CAND1: variants seen among roughly 807,000 people sequenced by gnomAD.
The protein encoded by CAND1 is cullin-associated NEDD8-dissociated protein 1.
Under a neutral mutation model 108.5 loss-of-function variants are expected in CAND1, and 7 were observed. The ratio of observed to expected loss-of-function variants is 0.06; its 90% CI spans 0.04 to 0.12. The LOEUF is 0.12. Ranked by LOEUF, CAND1 falls within the 10% of genes least tolerant of loss-of-function variation. The pLI is 1.00. For synonymous variants in CAND1, 534 were observed against 512.0 expected, an observed-to-expected ratio of 1.04 and a Z score of -0.58; for missense variants, 941 against 1,448.7, an observed-to-expected ratio of 0.65 and a Z score of 5.69.
At position 67,318,695 on chromosome 12, in the gene CAND1, A is replaced by C. The variant is rs573798900; in HGVS notation, c.*5865A>C. ...GTTCATTCATTTAGCAAGCCAATTT[A>C]TTACGCGCTTAGGGTGCTGCCAGGG... On this transcript the variant is annotated 3_prime_UTR_variant, in exon 15 of 15. Transcript: ENST00000545606. 2 of 152,288 alleles carry C rather than the reference A, an allele frequency of 1.3e-5. No individual in the cohort carries two copies. Among genetic ancestry groups the C allele is most frequent in the African/African-American group, 4.8e-5 (2 of 41,570 alleles). 9.4% of individuals were successfully genotyped at this position (152,288 alleles called of 1,614,324 possible). A position where few individuals can be genotyped will look rare whatever the true frequency, so the allele number is the denominator to read the frequency against.
In CAND1 at chr12:67,269,378, TGCGGAGCGAGTGGGAGCGAGA is replaced by T; in HGVS notation, c.-339_-319del. 1 of 311,148 alleles carries T rather than the reference TGCGGAGCGAGTGGGAGCGAGA, an allele frequency of 3.2e-6. No individual in the cohort carries two copies. The highest frequency in any genetic ancestry group is 2.2e-5 in the African/African-American group (1 of 44,634). 19.3% of individuals were successfully genotyped at this position (311,148 alleles called of 1,614,324 possible). A position where few individuals can be genotyped will look rare whatever the true frequency, so the allele number is the denominator to read the frequency against. ...TTGGCCTTTTGCCCTAGGGAGCGAGTGCGGAGCGAGTGGGAGCGAGACGGCCCTGAGTGGAAGTGTCTGGCT... is the reference window on the plus strand; with the variant it reads ...TTGGCCTTTTGCCCTAGGGAGCGAGTCGGCCCTGAGTGGAAGTGTCTGGCT... On this transcript the variant is annotated 5_prime_UTR_variant, in exon 1 of 15. Transcript: ENST00000545606.
intron 2 of CAND1, among the ~76,000 whole-genome samples, chr12:67,290,089 C>T (rs1268196955): frequency 6.6e-6 from 1 of 152,164 alleles, no homozygotes; most frequent in East Asian, 1.9e-4. Flanking sequence ...TTCCATCTGC[C>T]TTTTGTATAA....
At chr12:67,303,986 CTT>C (rs2044851860) in intron 8 of CAND1, among the ~76,000 whole-genome samples, 5 of 148,622 alleles carry the variant, frequency 3.4e-5, no homozygotes, top group African/African-American at 1.2e-4. Flanking sequence ...TAATTTCTTT[CTT>C]TCTCTTTTTT....
chr12:67,303,474 G>A (rs892530967), intron 8 of CAND1, among the ~76,000 whole-genome samples: 3 of 152,320 alleles, frequency 2.0e-5, no homozygotes, highest in Middle Eastern at 3.4e-3. Context: ...AAGTGAGTGA[G>A]TATATAGAAG....
At chr12:67,294,760 CA>C (rs2044753255) in intron 3 of CAND1, among the ~76,000 whole-genome samples, 1 of 152,164 alleles carries the variant, frequency 6.6e-6, no homozygotes, top group Non-Finnish European at 1.5e-5. Flanking sequence ...TATTGAAAAG[CA>C]GCCTGTTTTG....
At chr12:67,283,844 G>A (rs2044643104) in intron 2 of CAND1, among the ~76,000 whole-genome samples, 2 of 152,064 alleles carry the variant, frequency 1.3e-5, no homozygotes, top group South Asian at 4.1e-4. Flanking sequence ...TGAGTTTCTT[G>A]ACCTTTTGTT....
rs2044858441 is a variant in CAND1 at position 67,304,467 on chromosome 12, T to C, written c.1294-138T>C. 4 of 782,262 alleles carry C rather than the reference T, an allele frequency of 5.1e-6. No individual in the cohort carries two copies. The Admixed American group carries it at 1.1e-4, about 21-fold the overall frequency. The allele number at this position is 782,262 out of a possible 1,614,324, so 48.5% of individuals were successfully genotyped here. A position where few individuals can be genotyped will look rare whatever the true frequency, so the allele number is the denominator to read the frequency against. ...AACAAACTTGATCTTGTGTTAGCAA[T>C]AGCAATAGATAGCTGAATTAGGAAT... On this transcript the variant is annotated intron_variant, in intron 8 of 14. Transcript: ENST00000545606.
At chr12:67,307,285 G>A in intron 10 of CAND1, 112 bp from the exon 11 acceptor site, 1 of 731,220 alleles carries the variant, frequency 1.4e-6, no homozygotes, top group Non-Finnish European at 2.4e-6. Context: ...TCTTGGCCAA[G>A]GAGAATTCTA....
chr12:67,278,550 ACT>A (rs2044591147), intron 1 of CAND1, among the ~76,000 whole-genome samples: 1 of 151,608 alleles, frequency 6.6e-6, no homozygotes, highest in African/African-American at 2.4e-5. Flanking sequence ...GATGAATCTC[ACT>A]CTGTCACCTA....
At chr12:67,276,840 T>C (rs2044574339) in intron 1 of CAND1, among the ~76,000 whole-genome samples, 1 of 152,192 alleles carries the variant, frequency 6.6e-6, no homozygotes, top group Non-Finnish European at 1.5e-5. Context: ...CAGTGCCCAC[T>C]TTTGGCCAAG....
chr12:67,297,828 C>G lies in CAND1; in HGVS notation c.829C>G (p.Gln277Glu). The change falls in exon 6 of 15, where the codon CAA (glutamine) becomes GAA (glutamate). Residue 277 changes from glutamine (Q) to glutamate (E), a missense_variant. Transcript: ENST00000545606. Reference protein sequence around the residue: ...DDDELREYCIQAFESFVRRCP... With the variant: ...DDDELREYCIEAFESFVRRCP... The stretch of plus-strand genomic sequence containing the variant: ...TGATGAATTAAGAGAGTACTGTATT[C>G]AAGCCTTTGAATCATTTGTAAGAAG... The G allele has an allele frequency of 1.3e-6, 2 of 1,594,874 alleles. No homozygotes were observed. Among genetic ancestry groups the G allele is most frequent in the Non-Finnish European group, 1.7e-6 (2 of 1,168,736 alleles).
At chr12:67,293,679 G>A (rs1243412909) in intron 3 of CAND1, among the ~76,000 whole-genome samples, 1 of 152,174 alleles carries the variant, frequency 6.6e-6, no homozygotes, top group Non-Finnish European at 1.5e-5. Flanking sequence ...CTTTAACTCA[G>A]GAGGCGGAGG....
chr12:67,288,597 A>G (rs985754938), intron 2 of CAND1, among the ~76,000 whole-genome samples: 1 of 152,242 alleles, frequency 6.6e-6, no homozygotes, highest in East Asian at 1.9e-4. Flanking sequence ...AACAGTAAGA[A>G]ATACTTTAAT....
intron 10 of CAND1, 102 bp from the exon 11 acceptor site, chr12:67,307,295 A>G (rs2044897102): frequency 1.3e-6 from 1 of 766,228 alleles, no homozygotes. Context: ...GGAGAATTCT[A>G]AGGCATTGAA....
Position 67,272,607 on chromosome 12 carries a change from CTT to C in CAND1, c.68+2823_68+2824del, listed in dbSNP as rs571198982. 2.7e-3 allele frequency among the ~76,000 whole-genome samples: 405 copies of C among 152,226 alleles called. 2 individuals carry two copies. Among genetic ancestry groups the C allele is most frequent in the African/African-American group, 9.3e-3 (386 of 41,524 alleles). On this transcript the variant is annotated intron_variant, in intron 1 of 14. Coordinates refer to ENST00000545606, the MANE Select transcript of CAND1 (RefSeq NM_018448.5). ...ATTATTTAAAAATGAGATATTAAGA[CTT>C]AGGAGAAATGGGGAAGCATTAGGAT...
intron 7 of CAND1, among the ~76,000 whole-genome samples, chr12:67,299,712 T>C (rs1209626558): frequency 5.9e-5 from 9 of 152,260 alleles, no homozygotes; most frequent in African/African-American, 2.2e-4. Flanking sequence ...ATTTATGATA[T>C]TTACTCTGGA....
At chr12:67,303,679 G>A (rs141825885) in intron 8 of CAND1, among the ~76,000 whole-genome samples, 17 of 152,234 alleles carry the variant, frequency 1.1e-4, no homozygotes, top group Non-Finnish European at 2.5e-4. Flanking sequence ...TAGAAGCTCC[G>A]TTGATAGCTT....
chr12:67,306,395 A>G lies in CAND1; in HGVS notation c.2727A>G (p.Leu909=), dbSNP rs2044886076. 2 of 1,614,066 alleles carry G rather than the reference A, an allele frequency of 1.2e-6. No individual in the cohort carries two copies. Among genetic ancestry groups the G allele is most frequent in the African/African-American group, 2.7e-5 (2 of 75,052 alleles). ...ITSQPKRQYL[L]LHSLKEIISS... ...GTCAACCCAAAAGGCAGTATCTTTT[A>G]CTTCATTCCTTGAAGGAAATTATTA... The change falls in exon 10 of 15, where the codon TTA becomes TTG. Residue 909 remains leucine, a synonymous_variant. Coordinates refer to ENST00000545606, the MANE Select transcript of CAND1 (RefSeq NM_018448.5).
intron 3 of CAND1, among the ~76,000 whole-genome samples, chr12:67,294,452 C>G (rs529141612): frequency 1.3e-5 from 2 of 152,134 alleles, no homozygotes; most frequent in East Asian, 3.9e-4. Flanking sequence ...TTTTAATTCA[C>G]TGAAGTTTAA....
Sources: gnomAD v4.1 joint callset for allele counts (sites outside exome capture counted in the v4.1 genomes callset) on GRCh38, gnomAD v4.1.1 for gene constraint, MANE v1.5 for transcripts, NCBI Gene and HGNC (gene_info 2026-07-23, HGNC 2026-07-21) for gene names.